Variants in SORCS2 observed in about 807,000 individuals in gnomAD.
SORCS2 encodes sortilin related VPS10 domain containing receptor 2.
A neutral mutation model predicts 141.6 loss-of-function variants in SORCS2; 100 were observed. The ratio of observed to expected loss-of-function variants is 0.71; its 90% confidence interval spans 0.60 to 0.83. The LOEUF is 0.83. Among genes scored for constraint, SORCS2 ranks in the 40% least tolerant of loss-of-function variants. SORCS2 has a pLI of 0.00. For missense variants in SORCS2, 1,646 were observed against 1,560.2 expected (o/e 1.05, Z -0.93); for synonymous variants, 789 against 676.9 (o/e 1.17, Z -2.57).
chr4:7,338,401 T>G (rs1443954534), intron 1 of SORCS2, among the ~76,000 whole-genome samples: 1 of 140,616 alleles, frequency 7.1e-6, no homozygotes. Context: ...GGATGGATGG[T>G]TGGATGTCGG....
chr4:7,706,972 C>T (rs1175084970), intron 14 of SORCS2, among the ~76,000 whole-genome samples: 2 of 152,154 alleles, frequency 1.3e-5, no homozygotes, highest in African/African-American at 4.8e-5. Flanking sequence ...ACCCGTCACC[C>T]CCACCCACCC....
intron 1 of SORCS2, among the ~76,000 whole-genome samples, chr4:7,254,914 C>G (rs1577325652): frequency 1.3e-5 from 2 of 152,080 alleles, no homozygotes; most frequent in Non-Finnish European, 2.9e-5. Context: ...CGGCTGTGTT[C>G]CCATGAGGTC....
At chr4:7,361,137 G>C (rs1230784560) in intron 1 of SORCS2, among the ~76,000 whole-genome samples, 1 of 152,206 alleles carries the variant, frequency 6.6e-6, no homozygotes, top group Admixed American at 6.5e-5. Context: ...CATAGGCCCT[G>C]TCAGTAGCTT....
chr4:7,194,743 G>T (rs1033710003), intron 1 of SORCS2, among the ~76,000 whole-genome samples: 2 of 152,180 alleles, frequency 1.3e-5, no homozygotes, highest in African/African-American at 4.8e-5. Context: ...AACAAACGGT[G>T]TGTGCTCTAC....
intron 3 of SORCS2, among the ~76,000 whole-genome samples, chr4:7,636,226 AGACTTCCTTTGG>A (rs66792550): frequency 0.28 from 42,884 of 152,070 alleles, 7,239 homozygotes; most frequent in East Asian, 0.73. Context: ...CTCCAAAGGG[AGACTTCCTTTGG>A]GACTTGCTTT....
At chr4:7,621,072 A>C (rs964575383) in intron 3 of SORCS2, among the ~76,000 whole-genome samples, 9 of 152,016 alleles carry the variant, frequency 5.9e-5, no homozygotes, top group Non-Finnish European at 1.2e-4. Flanking sequence ...TGCTGACCAC[A>C]AGGAGGGGGC....
At chr4:7,528,309 G>A (rs1484175670) in intron 2 of SORCS2, among the ~76,000 whole-genome samples, 4 of 152,206 alleles carry the variant, frequency 2.6e-5, no homozygotes, top group East Asian at 3.9e-4. Context: ...CCTAGTGTCT[G>A]CAGGAGTTGG....
intron 3 of SORCS2, among the ~76,000 whole-genome samples, chr4:7,553,687 A>G (rs1042671675): frequency 6.6e-6 from 1 of 152,248 alleles, no homozygotes; most frequent in African/African-American, 2.4e-5. Context: ...TTCAGCTTCA[A>G]CAGCTGTTGT....
intron 1 of SORCS2, among the ~76,000 whole-genome samples, chr4:7,328,235 C>G (rs1719412808): frequency 6.7e-6 from 1 of 150,052 alleles, no homozygotes; most frequent in Non-Finnish European, 1.5e-5. Context: ...GGGGTTTTAC[C>G]ATGTTGGCCA....
chr4:7,638,196 C>G (rs768704799), intron 3 of SORCS2, 132 bp from the exon 4 acceptor site: 3 of 1,157,638 alleles, frequency 2.6e-6, no homozygotes, highest in Non-Finnish European at 3.6e-6. Flanking sequence ...GAGGCACACC[C>G]GGCCCAGGCC....
intron 2 of SORCS2, among the ~76,000 whole-genome samples, chr4:7,500,924 C>T (rs1054973755): frequency 2.0e-5 from 3 of 152,236 alleles, no homozygotes; most frequent in African/African-American, 7.2e-5. Context: ...CCAGCCCCGA[C>T]TCCTGTGATT....
chr4:7,358,446 C>G (rs1429552204), intron 1 of SORCS2, among the ~76,000 whole-genome samples: 1 of 152,238 alleles, frequency 6.6e-6, no homozygotes, highest in African/African-American at 2.4e-5. Context: ...GATAATTATT[C>G]CATTTCACAG....
chr4:7,343,952 C>T (rs1331118032), intron 1 of SORCS2, among the ~76,000 whole-genome samples: 1 of 152,188 alleles, frequency 6.6e-6, no homozygotes, highest in Non-Finnish European at 1.5e-5. Flanking sequence ...TCCTGTGCTC[C>T]CCTGTAAGGC....
chr4:7,547,511 C>T (rs946687013), intron 3 of SORCS2, among the ~76,000 whole-genome samples: 3 of 152,260 alleles, frequency 2.0e-5, no homozygotes, highest in Non-Finnish European at 2.9e-5. Flanking sequence ...GCTGACTAAC[C>T]AGCCATCAGA....
At chr4:7,712,014 G>C (rs1190395520) in intron 14 of SORCS2, among the ~76,000 whole-genome samples, 1 of 152,146 alleles carries the variant, frequency 6.6e-6, no homozygotes, top group Non-Finnish European at 1.5e-5. Flanking sequence ...AGCCCATGGA[G>C]TCCAGTGTGC....
chr4:7,215,070 C>T (rs952839347), intron 1 of SORCS2, among the ~76,000 whole-genome samples: 3 of 152,076 alleles, frequency 2.0e-5, no homozygotes, highest in Admixed American at 6.5e-5. Flanking sequence ...CTGTGGGAGC[C>T]CCTTCCTGGG....
intron 2 of SORCS2, among the ~76,000 whole-genome samples, chr4:7,498,398 G>A (rs765064190): frequency 1.2e-4 from 18 of 152,216 alleles, no homozygotes; most frequent in Non-Finnish European, 1.8e-4. Flanking sequence ...ATTACATAGA[G>A]AACAGTTTCC....
chr4:7,362,649 C>T (rs1721644852), intron 1 of SORCS2, among the ~76,000 whole-genome samples: 1 of 152,002 alleles, frequency 6.6e-6, no homozygotes, highest in Non-Finnish European at 1.5e-5. Context: ...CTGACTTTGC[C>T]TGTGGCAGGG....
At chr4:7,679,620 G>A (rs1222172550) in intron 9 of SORCS2, among the ~76,000 whole-genome samples, 1 of 152,338 alleles carries the variant, frequency 6.6e-6, no homozygotes, top group Middle Eastern at 3.4e-3. Flanking sequence ...AGGCGCGGAG[G>A]TGGAAGGGGC....
Sources: allele counts gnomAD v4.1 joint callset (sites outside exome capture counted in the v4.1 genomes callset), GRCh38; gene constraint gnomAD v4.1.1; transcripts MANE v1.5; gene names NCBI Gene and HGNC (gene_info 2026-07-23, HGNC 2026-07-21).